Variants in NBEA observed in about 807,000 individuals in gnomAD.
NBEA encodes the protein lysosomal-trafficking regulator 2.
NBEA carries 44 observed loss-of-function variants against 343.4 expected under a neutral mutation model. The ratio of observed to expected loss-of-function variants is 0.13; its 90% CI spans 0.10 to 0.16. The LOEUF is 0.16. Ranked by LOEUF, NBEA falls within the 10% of genes least tolerant of loss-of-function variation. NBEA has a pLI of 1.00. For synonymous variants in NBEA, 1,175 were observed against 1,238.7 expected, an observed-to-expected ratio of 0.95 and a Z score of 1.08; for missense variants, 2,555 against 3,631.3, an observed-to-expected ratio of 0.70 and a Z score of 7.62.
intron 1 of NBEA, among the ~76,000 whole-genome samples, chr13:34,955,044 A>G (rs2059451204): frequency 6.6e-6 from 1 of 152,120 alleles, no homozygotes; most frequent in Non-Finnish European, 1.5e-5. Flanking sequence ...ACTTGCATAG[A>G]TGAGGAAACT....
At chr13:35,118,883 G>T (rs2066643200) in intron 16 of NBEA, among the ~76,000 whole-genome samples, 1 of 151,708 alleles carries the variant, frequency 6.6e-6, no homozygotes, top group African/African-American at 2.4e-5. Context: ...CTTTCAGCTG[G>T]TGATGAAAAT....
chr13:35,246,810 AT>A (rs1309765695), intron 34 of NBEA, among the ~76,000 whole-genome samples: 1 of 152,034 alleles, frequency 6.6e-6, no homozygotes, highest in African/African-American at 2.4e-5. Flanking sequence ...TATAGGGAGG[AT>A]CAGGTGGTAG....
In NBEA at chr13:35,109,305, A is replaced by G. The variant is rs1566298087; in HGVS notation, c.1696A>G (p.Ile566Val). Residue 566 changes from isoleucine (I) to valine (V), a missense_variant, in exon 12 of 59, where the codon ATA becomes GTA. This residue lies in a region of NBEA where 360 missense variants were observed against 519.1 expected (regional missense o/e 0.69). Coordinates refer to ENST00000379939, the MANE Select transcript of NBEA (RefSeq NM_001385012.1). Reference sequence around the variant, plus strand: ...TCTTTCTTAGTCATCAAGAGTTCATATAACTAGAGCTGTCCTGGAGCAATT... The same window carrying G: ...TCTTTCTTAGTCATCAAGAGTTCATGTAACTAGAGCTGTCCTGGAGCAATT... ...YLLEKSSRVHITRAVLEQFLS... is the reference protein window; with the variant it reads ...YLLEKSSRVHVTRAVLEQFLS... 2 of 1,601,712 alleles carry G rather than the reference A, an allele frequency of 1.2e-6. No individual in the cohort carries two copies. Among genetic ancestry groups the G allele is most frequent in the Admixed American group, 1.8e-5 (1 of 57,080 alleles).
chr13:35,204,396 T>C (rs188904309), intron 31 of NBEA, among the ~76,000 whole-genome samples: 33 of 152,172 alleles, frequency 2.2e-4, no homozygotes, highest in Middle Eastern at 3.4e-3. Flanking sequence ...GCGCTTCTTA[T>C]ATGGTGGTAG....
intron 29 of NBEA, among the ~76,000 whole-genome samples, 162 bp from the exon 30 acceptor site, chr13:35,183,814 T>C (rs976369615): frequency 2.0e-5 from 3 of 152,132 alleles, no homozygotes; most frequent in Non-Finnish European, 4.4e-5. Flanking sequence ...ATGTATTATT[T>C]TCTTTCTCTT....
chr13:35,160,076 T>C (rs748774847), intron 22 of NBEA, 44 bp downstream of exon 22: 133 of 1,456,602 alleles, frequency 9.1e-5, no homozygotes, highest in Non-Finnish European at 1.0e-4. Context: ...AAAAATGCAT[T>C]GAAGAGTTGT....
intron 1 of NBEA, among the ~76,000 whole-genome samples, chr13:34,968,643 G>A (rs1194132328): frequency 6.6e-6 from 1 of 152,144 alleles, no homozygotes; most frequent in Non-Finnish European, 1.5e-5. Flanking sequence ...CTGACCTATA[G>A]GTAGTAGTTT....
intron 17 of NBEA, among the ~76,000 whole-genome samples, chr13:35,126,800 C>G (rs1005868157): frequency 6.6e-6 from 1 of 151,894 alleles, no homozygotes; most frequent in African/African-American, 2.4e-5. Flanking sequence ...TGCCTGTCAT[C>G]CCAGCTACTC....
intron 55 of NBEA, among the ~76,000 whole-genome samples, chr13:35,659,981 G>C (rs2085001585): frequency 6.6e-6 from 1 of 152,194 alleles, no homozygotes; most frequent in African/African-American, 2.4e-5. Context: ...TGTGCTAAAA[G>C]CTGATTGAAT....
At chr13:35,632,493 C>CT (rs1009235847) in intron 49 of NBEA, among the ~76,000 whole-genome samples, 41 of 147,080 alleles carry the variant, frequency 2.8e-4, no homozygotes, top group South Asian at 8.6e-4. Flanking sequence ...ATTTGGAAAG[C>CT]TTTTTTTTTT....
intron 6 of NBEA, among the ~76,000 whole-genome samples, chr13:35,054,060 T>C (rs1209592940): frequency 1.3e-5 from 2 of 152,134 alleles, no homozygotes; most frequent in African/African-American, 4.8e-5. Flanking sequence ...TTTTTAATAG[T>C]AAGTACACCA....
intron 41 of NBEA, among the ~76,000 whole-genome samples, chr13:35,528,064 T>C (rs937456062): frequency 6.6e-6 from 1 of 152,198 alleles, no homozygotes. Flanking sequence ...CCCTAGAAAC[T>C]CCACATTATT....
rs371139740 is a variant in NBEA at position 35,430,460 on chromosome 13, C to T, written c.6180-1809C>T. 2.3e-4 allele frequency among the ~76,000 whole-genome samples: 35 copies of T among 152,188 alleles called. No individual in the cohort carries two copies. The South Asian group carries it at 5.8e-3, about 25-fold the overall frequency. On this transcript the variant is annotated intron_variant, in intron 38 of 58. Transcript: ENST00000379939. ...GCTTTTTAGTTTAATTAAGTCCCAT[C>T]TATTTATCCTTCTTTTTGTTGCACT...
rs151143660 is a variant in NBEA at position 35,338,042 on chromosome 13, G to A, written c.5904-11066G>A. On this transcript the variant is annotated intron_variant, in intron 36 of 58. Coordinates refer to ENST00000379939, the MANE Select transcript of NBEA (RefSeq NM_001385012.1). ...AAGAAAACATTAACATAACCTCCCC[G>A]CCCCCAACAGGACAAACTAGAAGAA... 4.4e-4 allele frequency among the ~76,000 whole-genome samples: 67 copies of A among 151,592 alleles called. No homozygotes were observed. The East Asian group carries it at 5.8e-3, about 13-fold the overall frequency.
At chr13:35,164,668 G>T in intron 24 of NBEA, 159 bp downstream of exon 24, 1 of 779,302 alleles carries the variant, frequency 1.3e-6, no homozygotes, top group Non-Finnish European at 2.0e-6. Flanking sequence ...TTGTTTATCA[G>T]TGTTGGGTTC....
chr13:34,944,285 C>T (rs2059122969), intron 1 of NBEA, among the ~76,000 whole-genome samples: 1 of 152,112 alleles, frequency 6.6e-6, no homozygotes, highest in African/African-American at 2.4e-5. Context: ...TTCAGCTAAG[C>T]AATTATTTTT....
At chr13:34,971,610 T>C (rs1366948243) in intron 1 of NBEA, among the ~76,000 whole-genome samples, 1 of 152,188 alleles carries the variant, frequency 6.6e-6, no homozygotes. Context: ...ATTGAGACAA[T>C]CATGTGGTTT....
intron 38 of NBEA, among the ~76,000 whole-genome samples, chr13:35,413,039 A>G (rs1247271510): frequency 6.6e-6 from 1 of 152,138 alleles, no homozygotes; most frequent in Non-Finnish European, 1.5e-5. Flanking sequence ...ATATTGGCCT[A>G]TTTTCTTGAT....
intron 38 of NBEA, among the ~76,000 whole-genome samples, chr13:35,367,137 A>G (rs1311992018): frequency 6.6e-6 from 1 of 151,310 alleles, no homozygotes; most frequent in African/African-American, 2.4e-5. Context: ...TTATATAAAG[A>G]TTATTATAGA....
Sources: gnomAD v4.1 joint callset for allele counts (sites outside exome capture counted in the v4.1 genomes callset) on GRCh38, gnomAD v4.1.1 for gene constraint, gnomAD v4.1.1 regional missense constraint, MANE v1.5 for transcripts, NCBI Gene and HGNC (gene_info 2026-07-23, HGNC 2026-07-21) for gene names.